SLC38A6: variants seen among roughly 807,000 people sequenced by gnomAD.
The protein encoded by SLC38A6 is solute carrier family 38 member 6.
Under a neutral mutation model 65.0 loss-of-function variants are expected in SLC38A6, and 73 were observed. The ratio of observed to expected loss-of-function variants is 1.12; its 90% CI spans 0.93 to 1.37. SLC38A6 has a LOEUF of 1.37. SLC38A6 is among the 40% of genes most tolerant of loss of function. The pLI is 0.00. For missense variants in SLC38A6, 561 were observed against 531.1 expected (o/e 1.06, Z -0.55); for synonymous variants, 183 against 178.8 (o/e 1.02, Z -0.19).
intron 16 of SLC38A6, among the ~76,000 whole-genome samples, chr14:61,082,741 C>G (rs1267904746): frequency 1.3e-5 from 2 of 152,168 alleles, no homozygotes; most frequent in African/African-American, 4.8e-5. Flanking sequence ...CCACATCCTG[C>G]TCATGACTGC....
chr14:61,047,493 G>A (rs2042222745), intron 12 of SLC38A6, among the ~76,000 whole-genome samples: 1 of 152,066 alleles, frequency 6.6e-6, no homozygotes. Context: ...AGTTAATAGT[G>A]GAATTGGGAT....
intron 4 of SLC38A6, among the ~76,000 whole-genome samples, chr14:61,016,777 C>T (rs537138816): frequency 1.1e-4 from 17 of 152,078 alleles, no homozygotes; most frequent in Admixed American, 2.0e-4. Context: ...TTTATGTTTT[C>T]GATTGACAAA....
At chr14:60,987,630 C>T (rs1195659539) in intron 3 of SLC38A6, 1 of 152,220 alleles carries the variant, frequency 6.6e-6, no homozygotes, top group Non-Finnish European at 1.5e-5. Flanking sequence ...GCAAAAATGC[C>T]CACTGGGGCA....
intron 3 of SLC38A6, among the ~76,000 whole-genome samples, chr14:61,005,954 A>G (rs2039078457): frequency 6.6e-6 from 1 of 152,222 alleles, no homozygotes; most frequent in South Asian, 2.1e-4. Flanking sequence ...TAACCAAAAC[A>G]GCATGGTACT....
At chr14:61,011,272 G>A (rs964500555) in intron 3 of SLC38A6, among the ~76,000 whole-genome samples, 1 of 152,182 alleles carries the variant, frequency 6.6e-6, no homozygotes, top group Non-Finnish European at 1.5e-5. Flanking sequence ...AGCTTAAGGA[G>A]ATTTTGGGCC....
intron 3 of SLC38A6, among the ~76,000 whole-genome samples, chr14:61,005,536 T>C (rs1440466620): frequency 6.8e-4 from 103 of 150,932 alleles, no homozygotes; most frequent in Middle Eastern, 3.4e-3. Flanking sequence ...TATACACCAA[T>C]AACAGACAAA....
intron 3 of SLC38A6, among the ~76,000 whole-genome samples, chr14:61,007,243 C>T (rs1428381621): frequency 6.6e-6 from 1 of 152,042 alleles, no homozygotes; most frequent in East Asian, 1.9e-4. Flanking sequence ...TTAATGGGTG[C>T]AGCACACCAG....
rs775862507 is a variant in SLC38A6, at chr14:60,982,665, T to A, written c.236+27T>A. The A allele has an allele frequency of 1.8e-5, 28 of 1,568,070 alleles. No individual in the cohort carries two copies. The East Asian group carries it at 5.0e-4, about 28-fold the overall frequency. The stretch of plus-strand genomic sequence containing the variant: ...TGAGTCTTCATATTTTAGCATCAAA[T>A]TTTTTTTTCCATTTTGATAATATAC... On this transcript the variant is annotated intron_variant, in intron 2 of 15. Transcript: ENST00000267488.
In SLC38A6 at chr14:61,013,528, G is replaced by T. The variant is rs1389208469; in HGVS notation, c.311-2376G>T. 3.9e-5 allele frequency among the ~76,000 whole-genome samples: 6 copies of T among 152,296 alleles called. No individual in the cohort carries two copies. In the East Asian group the frequency reaches 1.2e-3, roughly 29 times the overall value. ...GTTTTTGCAGTGACTGGTACTGGTT[G>T]TTCCTTTCCATGTTTAGTGCTTCCT... On this transcript the variant is annotated intron_variant, in intron 3 of 15. Coordinates refer to ENST00000267488, the MANE Select transcript of SLC38A6 (RefSeq NM_153811.3).
intron 3 of SLC38A6, among the ~76,000 whole-genome samples, chr14:61,012,299 G>A (rs964614276): frequency 7.2e-5 from 11 of 151,866 alleles, no homozygotes; most frequent in East Asian, 5.8e-4. Context: ...TCTTGCTAGC[G>A]GTCTATCAAT....
At chr14:61,081,140 C>A (rs1273481787) in intron 16 of SLC38A6, among the ~76,000 whole-genome samples, 1 of 152,200 alleles carries the variant, frequency 6.6e-6, no homozygotes, top group East Asian at 1.9e-4. Flanking sequence ...TAGAGGGCCA[C>A]ATGGCAAGTA....
intron 3 of SLC38A6, among the ~76,000 whole-genome samples, chr14:60,992,251 G>T (rs1343013149): frequency 5.3e-5 from 8 of 152,162 alleles, no homozygotes; most frequent in African/African-American, 1.9e-4. Flanking sequence ...AGATGTTCCA[G>T]AGGCTTTGTG....
intron 5 of SLC38A6, among the ~76,000 whole-genome samples, chr14:61,026,384 C>T (rs753785348): frequency 6.6e-6 from 1 of 152,034 alleles, no homozygotes; most frequent in Non-Finnish European, 1.5e-5. Flanking sequence ...AGAATCTCAT[C>T]ATGAAACTCC....
At chr14:61,013,522 C>A (rs1437123284) in intron 3 of SLC38A6, among the ~76,000 whole-genome samples, 1 of 152,174 alleles carries the variant, frequency 6.6e-6, no homozygotes, top group African/African-American at 2.4e-5. Context: ...GTGACTGGTA[C>A]TGGTTGTTCC....
intron 8 of SLC38A6, among the ~76,000 whole-genome samples, chr14:61,039,698 G>A (rs1394949796): frequency 6.6e-6 from 1 of 151,778 alleles, no homozygotes; most frequent in Non-Finnish European, 1.5e-5. Flanking sequence ...TTCTCTGAAT[G>A]TTATCTTTTA....
At chr14:61,015,087 G>A (rs1221204108) in intron 3 of SLC38A6, among the ~76,000 whole-genome samples, 3 of 152,194 alleles carry the variant, frequency 2.0e-5, no homozygotes, top group East Asian at 1.9e-4. Flanking sequence ...CAATGGCAGC[G>A]CCCATCCCCC....
chr14:61,031,030 T>C (rs1253060075), intron 6 of SLC38A6: 1 of 152,124 alleles, frequency 6.6e-6, no homozygotes, highest in African/African-American at 2.4e-5. Context: ...AAATAAATTA[T>C]TTGCAAGGAC....
At chr14:61,045,874 A>G (rs1377289884) in intron 11 of SLC38A6, among the ~76,000 whole-genome samples, 193 bp from the exon 12 acceptor site, 1 of 151,954 alleles carries the variant, frequency 6.6e-6, no homozygotes, top group African/African-American at 2.4e-5. Context: ...CGACAGAGCA[A>G]GACTCTGTCT....
At chr14:61,017,440 T>C (rs1019876052) in intron 4 of SLC38A6, among the ~76,000 whole-genome samples, 1 of 152,222 alleles carries the variant, frequency 6.6e-6, no homozygotes, top group Non-Finnish European at 1.5e-5. Context: ...AAACAGAATA[T>C]GTTACTTGAG....
Sources: allele counts gnomAD v4.1 joint callset (sites outside exome capture counted in the v4.1 genomes callset), GRCh38; gene constraint gnomAD v4.1.1; transcripts MANE v1.5; gene names NCBI Gene and HGNC (gene_info 2026-07-23, HGNC 2026-07-21).